CAB39: variants seen among roughly 807,000 people sequenced by gnomAD.
The protein encoded by CAB39 is calcium binding protein 39, also known as calcium-binding protein 39.
In CAB39, 8 loss-of-function variants were observed where a neutral mutation model predicts 40.0. The ratio of observed to expected loss-of-function variants is 0.20; its 90% CI spans 0.12 to 0.36. The LOEUF (loss-of-function observed/expected upper bound fraction) is 0.36, where lower values mean the gene tolerates loss of function less well. CAB39 is among the 10% of genes least tolerant of loss of function. The pLI is 1.00. For synonymous variants in CAB39, 156 were observed against 141.6 expected (o/e 1.10, Z -0.72); for missense variants, 270 against 401.1 (o/e 0.67, Z 2.79).
chr2:230,793,143 C>A, intron 3 of CAB39, 70 bp from the exon 4 acceptor site: 1 of 826,730 alleles, frequency 1.2e-6, no homozygotes, highest in South Asian at 1.5e-5. Flanking sequence ...TATTCGAGTT[C>A]ATTTGGGAGG....
In CAB39 at chr2:230,746,870, G is replaced by A. The variant is rs890719987; in HGVS notation, c.-43-13089G>A. On this transcript the variant is annotated intron_variant, in intron 1 of 8. Coordinates refer to ENST00000258418, the MANE Select transcript of CAB39 (RefSeq NM_016289.4). Reference sequence around the variant, plus strand: ...TCTGGGGTCTCATGCAAAGCAGCATGCCAAATGTTATAAGAATATAAAATG... The same window carrying A: ...TCTGGGGTCTCATGCAAAGCAGCATACCAAATGTTATAAGAATATAAAATG... Among the ~76,000 whole-genome samples the A allele has an allele frequency of 3.3e-5, 5 of 152,248 alleles. No homozygotes were observed. The South Asian group carries it at 1.0e-3, about 32-fold the overall frequency.
intron 2 of CAB39, among the ~76,000 whole-genome samples, chr2:230,761,298 A>G (rs139799974): frequency 5.6e-4 from 86 of 152,310 alleles, no homozygotes; most frequent in African/African-American, 2.0e-3. Context: ...GTTCTGTGGC[A>G]TCATCATCAT....
intron 1 of CAB39, among the ~76,000 whole-genome samples, chr2:230,727,399 T>TGTGTGTGTGTGTGTG (rs1694603123): frequency 7.1e-6 from 1 of 140,524 alleles, no homozygotes; most frequent in African/African-American, 2.8e-5. Flanking sequence ...TGTGTGTGTG[T>TGTGTGTGTGTGTGTG]ATTTTTTTTT....
chr2:230,721,865 C>CCCT (rs1694459303), intron 1 of CAB39, among the ~76,000 whole-genome samples: 1 of 152,078 alleles, frequency 6.6e-6, no homozygotes, highest in African/African-American at 2.4e-5. Context: ...AAAGAACACA[C>CCCT]CCTCCCCCCC....
intron 1 of CAB39, among the ~76,000 whole-genome samples, chr2:230,717,969 A>G (rs796680710): frequency 2.0e-5 from 3 of 152,302 alleles, no homozygotes; most frequent in South Asian, 2.1e-4. Flanking sequence ...TATCCAGTGC[A>G]TACCTATTTG....
At chr2:230,761,446 G>GT (rs1454049562) in intron 2 of CAB39, among the ~76,000 whole-genome samples, 1 of 151,758 alleles carries the variant, frequency 6.6e-6, no homozygotes, top group Non-Finnish European at 1.5e-5. Context: ...AACTAAGGTG[G>GT]TACCTTAGTT....
rs540003268 is a variant in CAB39 at position 230,819,975 on chromosome 2, G to C, written c.*1271G>C. ...TCTCTTAGGAAAAGACGACTTCCTA[G>C]TCATAGGTGTCCTATGGGGAAATTT... On this transcript the variant is annotated 3_prime_UTR_variant, in exon 9 of 9. Coordinates refer to ENST00000258418, the MANE Select transcript of CAB39 (RefSeq NM_016289.4). The C allele has an allele frequency of 1.5e-4, 23 of 152,704 alleles. No homozygotes were observed. Among genetic ancestry groups the C allele is most frequent in the Admixed American group, 1.2e-3 (19 of 15,302 alleles). 9.5% of individuals were successfully genotyped at this position (152,704 alleles called of 1,614,324 possible).
At chr2:230,818,122 A>T in intron 8 of CAB39, 1 of 503,640 alleles carries the variant, frequency 2.0e-6, no homozygotes, top group Non-Finnish European at 3.5e-6. Context: ...GAAGAGTGTC[A>T]TTTATCTTTG....
At chr2:230,734,256 A>G (rs1428689506) in intron 1 of CAB39, among the ~76,000 whole-genome samples, 3 of 152,216 alleles carry the variant, frequency 2.0e-5, no homozygotes, top group African/African-American at 7.2e-5. Context: ...TCTGTTTCCT[A>G]CTGCATTTCC....
rs775983511 is a variant in CAB39 at position 230,814,041 on chromosome 2, T to C, written c.628-8T>C. On this transcript the variant is annotated splice_region_variant and splice_polypyrimidine_tract_variant and intron_variant, in intron 6 of 8. Transcript: ENST00000258418. ...AATAACCCTGATTTATGTTCTCTTA[T>C]CTTTTAGTTTTTCAGTGAATATGAG... 8.1e-6 allele frequency: 8 copies of C among 987,412 alleles called. No individual in the cohort carries two copies. Among genetic ancestry groups the C allele is most frequent in the Non-Finnish European group, 1.2e-5 (8 of 646,080 alleles). 61.2% of individuals were successfully genotyped at this position (987,412 alleles called of 1,614,324 possible).
intron 1 of CAB39, among the ~76,000 whole-genome samples, chr2:230,735,459 T>C (rs1286913851): frequency 8.0e-5 from 12 of 149,372 alleles, no homozygotes; most frequent in Admixed American, 8.0e-4. Context: ...GAGCCACTGC[T>C]CCCAGCTCAG....
intron 5 of CAB39, among the ~76,000 whole-genome samples, chr2:230,803,138 GA>G (rs1696122782): frequency 6.6e-6 from 1 of 152,164 alleles, no homozygotes; most frequent in East Asian, 1.9e-4. Flanking sequence ...CACATAAACA[GA>G]ACCAAAGACA....
chr2:230,817,214 T>C (rs2124987716), intron 7 of CAB39, among the ~76,000 whole-genome samples: 1 of 152,242 alleles, frequency 6.6e-6, no homozygotes, highest in East Asian at 1.9e-4. Flanking sequence ...AGCAGAAAAA[T>C]ACTCACTTGT....
Position 230,799,235 on chromosome 2 carries a change from T to G in CAB39, c.567+338T>G, listed in dbSNP as rs1373213449. 4 of 190,706 alleles carry G rather than the reference T, an allele frequency of 2.1e-5. No individual in the cohort carries two copies. In the Admixed American group the frequency reaches 2.4e-4, roughly 12 times the overall value. 11.8% of individuals were successfully genotyped at this position (190,706 alleles called of 1,614,324 possible). A position where few individuals can be genotyped will look rare whatever the true frequency, so the allele number is the denominator to read the frequency against. On this transcript the variant is annotated intron_variant, in intron 5 of 8. Transcript: ENST00000258418. ...AAACATTGTGTAGCAGTTTCTTTGG[T>G]TAAGCACCAGATGAAGTAGTTGGCT...
At chr2:230,785,471 T>C (rs1307125391) in intron 2 of CAB39, among the ~76,000 whole-genome samples, 1 of 151,460 alleles carries the variant, frequency 6.6e-6, no homozygotes, top group Non-Finnish European at 1.5e-5. Context: ...TTAAAACTGA[T>C]AGGAAGAAAT....
chr2:230,819,703 C>T lies in CAB39; in HGVS notation c.*999C>T, dbSNP rs115825820. 1 of 152,354 alleles carries T rather than the reference C, an allele frequency of 6.6e-6. No individual in the cohort carries two copies. The highest frequency in any genetic ancestry group is 2.4e-5 in the African/African-American group (1 of 41,578). 9.4% of individuals were successfully genotyped at this position (152,354 alleles called of 1,614,324 possible). A position where few individuals can be genotyped will look rare whatever the true frequency, so the allele number is the denominator to read the frequency against. On this transcript the variant is annotated 3_prime_UTR_variant, in exon 9 of 9. Transcript: ENST00000258418. ...AAACCAGTCCTTTGTATTCAGTTACCTAATGGGGTGCCATCAATAAGCTGC... is the reference window on the plus strand; with the variant it reads ...AAACCAGTCCTTTGTATTCAGTTACTTAATGGGGTGCCATCAATAAGCTGC...
chr2:230,754,719 A>G (rs1046882873), intron 1 of CAB39, among the ~76,000 whole-genome samples: 1 of 152,094 alleles, frequency 6.6e-6, no homozygotes, highest in Admixed American at 6.6e-5. Flanking sequence ...GGGTTTTGCC[A>G]TGTTGGCCAG....
At chr2:230,816,408 TCACC>T (rs1696401616) in intron 7 of CAB39, among the ~76,000 whole-genome samples, 2 of 152,254 alleles carry the variant, frequency 1.3e-5, no homozygotes, top group South Asian at 4.1e-4. Context: ...TGGTTGCTTC[TCACC>T]GTAAGAATAG....
intron 1 of CAB39, among the ~76,000 whole-genome samples, chr2:230,751,472 C>CT (rs919338819): frequency 6.6e-6 from 1 of 152,086 alleles, no homozygotes; most frequent in African/African-American, 2.4e-5. Context: ...ACTTATGGAC[C>CT]TTTTGAGTTC....
Sources: gnomAD v4.1 joint callset for allele counts (sites outside exome capture counted in the v4.1 genomes callset) on GRCh38, gnomAD v4.1.1 for gene constraint, MANE v1.5 for transcripts, NCBI Gene and HGNC (gene_info 2026-07-23, HGNC 2026-07-21) for gene names.